Variants in SLC26A7 observed in about 807,000 individuals in gnomAD.
SLC26A7 encodes the protein anion exchange transporter.
In SLC26A7, 59 loss-of-function variants were observed where a neutral mutation model predicts 82.5. That is an observed-to-expected ratio of 0.72 (90% CI 0.58 to 0.89). The LOEUF is 0.89. Ranked by LOEUF, SLC26A7 falls within the 40% of genes least tolerant of loss-of-function variation. SLC26A7 has a pLI of 0.00. For synonymous variants in SLC26A7, 271 were observed against 274.3 expected (o/e 0.99, Z 0.12); for missense variants, 820 against 793.0 (o/e 1.03, Z -0.41).
Position 91,279,111 on chromosome 8 carries a change from A to ATGTGTG in SLC26A7, c.194-10015_194-10010dup, listed in dbSNP as rs71562209. ...TTAAGGCTGAACAGTATTTCATAGT[A>ATGTGTG]TGTGTGTGTGTGTGTATATATATAT... On this transcript the variant is annotated intron_variant, in intron 2 of 18. Coordinates refer to ENST00000276609, the MANE Select transcript of SLC26A7 (RefSeq NM_052832.4). Among the ~76,000 whole-genome samples the ATGTGTG allele has an allele frequency of 4.2e-3, 484 of 114,806 alleles. 7 individuals carry two copies. The highest frequency in any genetic ancestry group is 0.017 in the African/African-American group (454 of 27,238). The allele number at this position is 114,806 out of a possible 152,430, so 75.3% of individuals were successfully genotyped here.
At chr8:91,235,102 T>G (rs531574211) in intron 2 of SLC26A7, among the ~76,000 whole-genome samples, 2 of 152,012 alleles carry the variant, frequency 1.3e-5, no homozygotes, top group Admixed American at 6.6e-5. Context: ...TAAAAATTTT[T>G]TTGTGGAAAG....
chr8:91,329,234 ATG>A (rs3086211), intron 5 of SLC26A7, among the ~76,000 whole-genome samples: 1 of 151,848 alleles, frequency 6.6e-6, no homozygotes, highest in African/African-American at 2.4e-5. Context: ...ATATGTAAAT[ATG>A]TGTGTGTGCA....
rs140819883 is a variant in SLC26A7 at position 91,338,700 on chromosome 8, C to T, written c.878+468C>T. 2.1e-3 allele frequency among the ~76,000 whole-genome samples: 322 copies of T among 152,176 alleles called. 1 individual carries two copies. Among genetic ancestry groups the T allele is most frequent in the Admixed American group, 6.6e-3 (101 of 15,272 alleles). ...TGGAAGTGGAGAAGAAGGCATTGTTCCCTAGCTGGCCTATAGCCTTCCTCT... is the reference window on the plus strand; with the variant it reads ...TGGAAGTGGAGAAGAAGGCATTGTTTCCTAGCTGGCCTATAGCCTTCCTCT... On this transcript the variant is annotated intron_variant, in intron 7 of 18. Transcript: ENST00000276609.
intron 1 of SLC26A7, among the ~76,000 whole-genome samples, chr8:91,211,618 T>TATATA (rs1282294122): frequency 3.4e-4 from 43 of 125,080 alleles, no homozygotes; most frequent in African/African-American, 6.4e-4. Context: ...ATATATATAT[T>TATATA]TTTTTTTTAT....
chr8:91,353,321 C>T (rs1813772348), intron 11 of SLC26A7, among the ~76,000 whole-genome samples: 1 of 152,086 alleles, frequency 6.6e-6, no homozygotes, highest in African/African-American at 2.4e-5. Flanking sequence ...GGGAAATAGA[C>T]ACTAATAGAA....
chr8:91,388,478 C>T (rs1223803726), intron 15 of SLC26A7, among the ~76,000 whole-genome samples: 2 of 152,150 alleles, frequency 1.3e-5, no homozygotes, highest in African/African-American at 2.4e-5. Context: ...AAACCTTGAA[C>T]ATTTTAAATG....
At chr8:91,346,283 A>G (rs1166851946) in intron 9 of SLC26A7, among the ~76,000 whole-genome samples, 1 of 152,158 alleles carries the variant, frequency 6.6e-6, no homozygotes, top group Admixed American at 6.5e-5. Context: ...TTCCCATGGT[A>G]GTCATTTCAG....
chr8:91,222,618 T>C (rs925852022), intron 2 of SLC26A7, among the ~76,000 whole-genome samples: 1 of 152,228 alleles, frequency 6.6e-6, no homozygotes, highest in African/African-American at 2.4e-5. Flanking sequence ...GATAATCATG[T>C]GTTTTTTGTC....
chr8:91,311,404 C>T (rs1812481963), intron 4 of SLC26A7, among the ~76,000 whole-genome samples: 1 of 151,870 alleles, frequency 6.6e-6, no homozygotes, highest in African/African-American at 2.4e-5. Flanking sequence ...AACTCCTGAC[C>T]TCCTAAATGA....
chr8:91,349,608 T>C (rs1196487837), intron 9 of SLC26A7, among the ~76,000 whole-genome samples: 1 of 152,188 alleles, frequency 6.6e-6, no homozygotes, highest in East Asian at 1.9e-4. Context: ...TTATATTACC[T>C]TCGTGCTTTC....
chr8:91,339,207 G>C (rs1288691087), intron 7 of SLC26A7, among the ~76,000 whole-genome samples: 3 of 151,964 alleles, frequency 2.0e-5, no homozygotes, highest in Admixed American at 6.6e-5. Context: ...ACTTTGAAAT[G>C]GTTTTGTGTA....
chr8:91,242,020 T>C (rs2130686534), intron 2 of SLC26A7, among the ~76,000 whole-genome samples: 1 of 152,302 alleles, frequency 6.6e-6, no homozygotes, highest in South Asian at 2.1e-4. Flanking sequence ...TTTAGACTTA[T>C]CCCTTTGGAA....
chr8:91,315,781 G>A (rs1812613597), intron 4 of SLC26A7, among the ~76,000 whole-genome samples: 1 of 152,116 alleles, frequency 6.6e-6, no homozygotes. Flanking sequence ...CGAAACTGGT[G>A]ACTGGTTTTC....
chr8:91,327,322 G>A (rs879831693), intron 5 of SLC26A7, among the ~76,000 whole-genome samples: 9 of 152,080 alleles, frequency 5.9e-5, no homozygotes, highest in South Asian at 2.1e-4. Context: ...ACCACTGAGC[G>A]CTCTGTGTTG....
At chr8:91,384,530 A>C (rs1814746470) in intron 15 of SLC26A7, among the ~76,000 whole-genome samples, 1 of 152,088 alleles carries the variant, frequency 6.6e-6, no homozygotes, top group Non-Finnish European at 1.5e-5. Flanking sequence ...GTGCATCCTT[A>C]AGGGGCATTA....
chr8:91,232,782 G>C (rs190258186), intron 2 of SLC26A7, among the ~76,000 whole-genome samples: 1 of 152,196 alleles, frequency 6.6e-6, no homozygotes, highest in East Asian at 1.9e-4. Flanking sequence ...TGCCTAACAG[G>C]CTTGTAATAC....
intron 2 of SLC26A7, among the ~76,000 whole-genome samples, chr8:91,240,633 A>C (rs1810461306): frequency 6.6e-6 from 1 of 152,206 alleles, no homozygotes; most frequent in East Asian, 1.9e-4. Context: ...TGAGACAAAT[A>C]AGCTTGAGCA....
At chr8:91,314,288 A>G (rs1812569568) in intron 4 of SLC26A7, among the ~76,000 whole-genome samples, 1 of 152,186 alleles carries the variant, frequency 6.6e-6, no homozygotes. Context: ...TCCAAGCACA[A>G]TATTCCAGGA....
At chr8:91,332,314 TA>T (rs1449781400) in intron 5 of SLC26A7, among the ~76,000 whole-genome samples, 4 of 141,640 alleles carry the variant, frequency 2.8e-5, no homozygotes, top group African/African-American at 1.0e-4. Flanking sequence ...ATAAATTATA[TA>T]ATTATATAAT....
Sources: gnomAD v4.1 joint callset for allele counts (sites outside exome capture counted in the v4.1 genomes callset) on GRCh38, gnomAD v4.1.1 for gene constraint, MANE v1.5 for transcripts, NCBI Gene and HGNC (gene_info 2026-07-23, HGNC 2026-07-21) for gene names.